TNPO1: variants seen among roughly 807,000 people sequenced by gnomAD.
TNPO1 encodes the protein transportin-1.
A neutral mutation model predicts 119.5 loss-of-function variants in TNPO1; 8 were observed. That is an observed-to-expected ratio of 0.07 (90% CI 0.04 to 0.12). TNPO1 has a LOEUF of 0.12. TNPO1 is among the 10% of genes least tolerant of loss of function. The probability of loss-of-function intolerance (pLI) is 1.00; values close to 1 mark genes in which losing one functional copy is unlikely to be tolerated. For synonymous variants in TNPO1, 362 were observed against 363.0 expected (o/e 1.00, Z 0.03); for missense variants, 576 against 1,089.8 (o/e 0.53, Z 6.64).
chr5:72,833,489 ATGCT>A (rs1744566992), intron 1 of TNPO1, among the ~76,000 whole-genome samples: 2 of 152,160 alleles, frequency 1.3e-5, no homozygotes. Flanking sequence ...TGAAGCTTAG[ATGCT>A]ATGATTGCCA....
At position 72,909,014 on chromosome 5, in the gene TNPO1, C is replaced by T; in HGVS notation, c.*341C>T. ...TTGTGGAATATTATGGGGAATTGTA[C>T]CAAAACAAGAACCATATAAATGATG... On this transcript the variant is annotated 3_prime_UTR_variant, in exon 25 of 25. Coordinates refer to ENST00000337273, the MANE Select transcript of TNPO1 (RefSeq NM_002270.4). 1 of 359,338 alleles carries T rather than the reference C, an allele frequency of 2.8e-6. No homozygotes were observed. 22.3% of individuals were successfully genotyped at this position (359,338 alleles called of 1,614,324 possible). A position where few individuals can be genotyped will look rare whatever the true frequency, so the allele number is the denominator to read the frequency against.
Position 72,882,458 on chromosome 5 carries a change from T to C in TNPO1, c.921-9T>C. 1 of 1,602,630 alleles carries C rather than the reference T, an allele frequency of 6.2e-7. No homozygotes were observed. Among genetic ancestry groups the C allele is most frequent in the Non-Finnish European group, 8.5e-7 (1 of 1,173,928 alleles). On this transcript the variant is annotated splice_polypyrimidine_tract_variant and intron_variant, in intron 9 of 24. Coordinates refer to ENST00000337273, the MANE Select transcript of TNPO1 (RefSeq NM_002270.4). Reference sequence around the variant, plus strand: ...AAGGTCTTTGTTTCATGAATTTCTTTCTTTATAGGTTGATTCCTGTGTTAG... The same window carrying C: ...AAGGTCTTTGTTTCATGAATTTCTTCCTTTATAGGTTGATTCCTGTGTTAG...
intron 1 of TNPO1, among the ~76,000 whole-genome samples, chr5:72,832,996 C>G (rs992421205): frequency 1.3e-5 from 2 of 152,118 alleles, no homozygotes; most frequent in Non-Finnish European, 2.9e-5. Flanking sequence ...GAAATTAATT[C>G]CCATGGCAGT....
chr5:72,864,082 G>A (rs771813841), intron 5 of TNPO1, among the ~76,000 whole-genome samples: 1 of 151,944 alleles, frequency 6.6e-6, no homozygotes, highest in Non-Finnish European at 1.5e-5. Context: ...ATTGCCACAT[G>A]GGTAACAAGT....
rs369150929 is a variant in TNPO1 at position 72,872,620 on chromosome 5, T to G, written c.597-19T>G. ...AAAGTTACAATGAGCATATGTTAAATTTTAAACTTTGTTTCTAGGTCTCAC... is the reference window on the plus strand; with the variant it reads ...AAAGTTACAATGAGCATATGTTAAAGTTTAAACTTTGTTTCTAGGTCTCAC... On this transcript the variant is annotated intron_variant, in intron 6 of 24. Transcript: ENST00000337273. The G allele has an allele frequency of 1.2e-4, 188 of 1,576,932 alleles. No homozygotes were observed. The highest frequency in any genetic ancestry group is 1.7e-4 in the Middle Eastern group (1 of 5,988).
chr5:72,875,516 C>A (rs1747694537), intron 7 of TNPO1, 99 bp from the exon 8 acceptor site: 3 of 1,327,108 alleles, frequency 2.3e-6, no homozygotes, highest in Admixed American at 2.1e-5. Flanking sequence ...GTTTTTGGTA[C>A]CTTTGTAGGG....
At chr5:72,892,885 A>T (rs771603506) in intron 15 of TNPO1, among the ~76,000 whole-genome samples, 1 of 151,262 alleles carries the variant, frequency 6.6e-6, no homozygotes, top group Non-Finnish European at 1.5e-5. Context: ...ATAATACTCA[A>T]TCTGTCCTTT....
chr5:72,891,930 A>G (rs1479309703), intron 15 of TNPO1, 34 bp downstream of exon 15: 1 of 1,537,878 alleles, frequency 6.5e-7, no homozygotes, highest in South Asian at 1.2e-5. Context: ...ATCTGTTGCC[A>G]AGAACACATG....
chr5:72,843,614 C>CA (rs1393759642), intron 1 of TNPO1, among the ~76,000 whole-genome samples: 17 of 151,216 alleles, frequency 1.1e-4, no homozygotes, highest in Admixed American at 1.1e-3. Flanking sequence ...AAAACAAACC[C>CA]AAAAAACAAA....
intron 4 of TNPO1, 26 bp from the exon 5 acceptor site, chr5:72,861,782 C>T: frequency 1.3e-6 from 2 of 1,520,792 alleles, no homozygotes; most frequent in Non-Finnish European, 1.8e-6. Flanking sequence ...TGTTGGATTT[C>T]CTAAAGAAGT....
chr5:72,891,661 G>C, intron 14 of TNPO1, 149 bp from the exon 15 acceptor site: 1 of 558,288 alleles, frequency 1.8e-6, no homozygotes, highest in South Asian at 2.5e-5. Context: ...CTTTAAAAGG[G>C]ACTGTGCAGA....
At chr5:72,846,883 A>T (rs1745153471) in intron 1 of TNPO1, among the ~76,000 whole-genome samples, 1 of 152,202 alleles carries the variant, frequency 6.6e-6, no homozygotes, top group South Asian at 2.1e-4. Context: ...TTATTGAAAT[A>T]TTTTCAATAA....
chr5:72,870,158 C>CTTTTTTTTTTTTTTTTTTTTTTTTTGT (rs200118076), intron 6 of TNPO1, among the ~76,000 whole-genome samples: 1 of 106,174 alleles, frequency 9.4e-6, no homozygotes, highest in African/African-American at 3.6e-5. Context: ...ATACTAATTG[C>CTTTTTTTTTTTTTTTTTTTTTTTTTGT]TTTTTTTTTT....
intron 1 of TNPO1, among the ~76,000 whole-genome samples, chr5:72,818,302 G>A (rs984279198): frequency 6.6e-6 from 1 of 152,188 alleles, no homozygotes; most frequent in African/African-American, 2.4e-5. Context: ...TATAATGTGA[G>A]CAGAATAAGA....
intron 3 of TNPO1, among the ~76,000 whole-genome samples, 156 bp downstream of exon 3, chr5:72,851,475 A>G (rs1580392865): frequency 6.6e-6 from 1 of 152,142 alleles, no homozygotes; most frequent in Non-Finnish European, 1.5e-5. Flanking sequence ...CAGTATTTAC[A>G]TGTTTAATAA....
At chr5:72,822,623 C>T (rs772623240) in intron 1 of TNPO1, among the ~76,000 whole-genome samples, 10 of 144,212 alleles carry the variant, frequency 6.9e-5, no homozygotes, top group Non-Finnish European at 6.0e-5. Flanking sequence ...GATGGAGTCT[C>T]GCTCTGTTGC....
At chr5:72,866,719 A>T (rs1746934243) in intron 6 of TNPO1, among the ~76,000 whole-genome samples, 1 of 152,270 alleles carries the variant, frequency 6.6e-6, no homozygotes, top group Admixed American at 6.5e-5. Flanking sequence ...GTACCACTGC[A>T]CTCCAGCCTG....
intron 1 of TNPO1, among the ~76,000 whole-genome samples, chr5:72,833,854 T>C (rs1258559857): frequency 6.6e-6 from 1 of 152,230 alleles, no homozygotes; most frequent in African/African-American, 2.4e-5. Flanking sequence ...TTACAGAATA[T>C]ATGCTGCTGT....
At chr5:72,856,903 C>T (rs1746041578) in intron 4 of TNPO1, among the ~76,000 whole-genome samples, 1 of 152,166 alleles carries the variant, frequency 6.6e-6, no homozygotes, top group South Asian at 2.1e-4. Context: ...GAGGAGCGTA[C>T]TAATGGGCAG....
Sources: gnomAD v4.1 joint callset for allele counts (sites outside exome capture counted in the v4.1 genomes callset) on GRCh38, gnomAD v4.1.1 for gene constraint, MANE v1.5 for transcripts, NCBI Gene and HGNC (gene_info 2026-07-23, HGNC 2026-07-21) for gene names.